The following MCPH1 variants were observed in gnomAD, a reference collection of about 807,000 sequenced individuals.
MCPH1 encodes microcephalin 1.
MCPH1 carries 104 observed loss-of-function variants against 84.5 expected under a neutral mutation model. That is an observed-to-expected ratio of 1.23 (90% CI 1.05 to 1.45). The LOEUF (loss-of-function observed/expected upper bound fraction) is 1.45, where lower values mean the gene tolerates loss of function less well. Among genes scored for constraint, MCPH1 ranks in the 40% most tolerant of loss-of-function variants. The pLI, the probability that MCPH1 is intolerant of heterozygous loss-of-function variation, is 0.00. For missense variants in MCPH1, 1,498 were observed against 1,005.7 expected (o/e 1.49, Z -6.62); for synonymous variants, 514 against 366.8 (o/e 1.40, Z -4.58).
chr8:6,596,220 T>A (rs1828914636), intron 12 of MCPH1, among the ~76,000 whole-genome samples: 1 of 152,284 alleles, frequency 6.6e-6, no homozygotes. Context: ...TGCCACGAAC[T>A]GGCACTGTGC....
chr8:6,426,657 G>GTATGCT (rs1391815394), intron 3 of MCPH1, among the ~76,000 whole-genome samples: 1 of 152,188 alleles, frequency 6.6e-6, no homozygotes, highest in Non-Finnish European at 1.5e-5. Flanking sequence ...TTGTGTCTTT[G>GTATGCT]TATGCTTTCA....
chr8:6,475,239 C>G (rs932154558), intron 9 of MCPH1, among the ~76,000 whole-genome samples: 2 of 152,248 alleles, frequency 1.3e-5, no homozygotes, highest in Non-Finnish European at 2.9e-5. Flanking sequence ...TGACCCTGCC[C>G]TAACAGCAAA....
At chr8:6,439,857 C>A (rs1471795887) in intron 6 of MCPH1, among the ~76,000 whole-genome samples, 1 of 152,146 alleles carries the variant, frequency 6.6e-6, no homozygotes, top group Non-Finnish European at 1.5e-5. Context: ...AGTAAAAGTT[C>A]ATCTTGATAC....
intron 12 of MCPH1, among the ~76,000 whole-genome samples, chr8:6,536,302 G>C (rs1189251928): frequency 6.6e-6 from 1 of 152,090 alleles, no homozygotes; most frequent in Admixed American, 6.5e-5. Context: ...GGGATCCCAG[G>C]CGCCTCACAT....
intron 2 of MCPH1, among the ~76,000 whole-genome samples, chr8:6,410,701 C>G (rs79143332): frequency 0.065 from 9,825 of 152,152 alleles, 717 homozygotes; most frequent in African/African-American, 0.18. Flanking sequence ...GAAGAGTACT[C>G]ACATCTTCAT....
intron 12 of MCPH1, chr8:6,509,211 A>G (rs976112650): frequency 5.9e-6 from 6 of 1,019,340 alleles, no homozygotes; most frequent in South Asian, 5.2e-5. Context: ...AATATTTTGC[A>G]CTGGTATAAA....
rs114257586 is a variant in MCPH1 at position 6,563,049 on chromosome 8, G to A, written c.2215-58405G>A. The A allele has an allele frequency of 1.5e-3, 1,722 of 1,127,738 alleles. 22 individuals are homozygous for A. In the African/African-American group the frequency reaches 0.025, roughly 16 times the overall value. 69.9% of individuals were successfully genotyped at this position (1,127,738 alleles called of 1,614,324 possible). On this transcript the variant is annotated intron_variant, in intron 12 of 13. Coordinates refer to ENST00000344683, the MANE Select transcript of MCPH1 (RefSeq NM_024596.5). ...CTGCTACGCTGCCATGGCTGGGTCC[G>A]TCAATGAAAGTCTTCTCTTTCCTCT...
chr8:6,496,285 G>A (rs1219238500), intron 11 of MCPH1, among the ~76,000 whole-genome samples: 1 of 152,146 alleles, frequency 6.6e-6, no homozygotes, highest in Non-Finnish European at 1.5e-5. Flanking sequence ...GCAATTCTAT[G>A]AGAATGTAAT....
At chr8:6,427,082 C>T (rs923764127) in intron 3 of MCPH1, among the ~76,000 whole-genome samples, 4 of 152,156 alleles carry the variant, frequency 2.6e-5, no homozygotes, top group African/African-American at 9.7e-5. Context: ...ACCTCTACAG[C>T]ATGTGCAGTT....
intron 9 of MCPH1, among the ~76,000 whole-genome samples, chr8:6,469,677 C>T (rs547534656): frequency 6.6e-6 from 1 of 152,240 alleles, no homozygotes; most frequent in African/African-American, 2.4e-5. Context: ...GATAGCTAAA[C>T]CCAAAAGATT....
rs1472738259 is a variant in MCPH1 at position 6,480,838 on chromosome 8, G to A, written c.2098G>A (p.Gly700Arg). 1 of 1,614,170 alleles carries A rather than the reference G, an allele frequency of 6.2e-7. No homozygotes were observed. Reference sequence around the variant, plus strand: ...ACTTCGCACCCTGAATGTGCTGCTGGGAATTGCGCGTGGCTGCTGGGTTCT... The same window carrying A: ...ACTTCGCACCCTGAATGTGCTGCTGAGAATTGCGCGTGGCTGCTGGGTTCT... ...KPLRTLNVLL[G>R]IARGCWVLSY... Residue 700 changes from glycine to arginine, a missense_variant, in exon 11 of 14, where the codon GGA becomes AGA. Coordinates refer to ENST00000344683, the MANE Select transcript of MCPH1 (RefSeq NM_024596.5).
chr8:6,409,425 G>GT (rs1177633586), intron 2 of MCPH1, 55 bp downstream of exon 2: 3 of 1,379,872 alleles, frequency 2.2e-6, no homozygotes, highest in African/African-American at 2.8e-5. Flanking sequence ...TTGGTAAAAA[G>GT]TTACATTTGC....
At chr8:6,499,800 C>T in intron 11 of MCPH1, 52 bp from the exon 12 acceptor site, 2 of 1,512,634 alleles carry the variant, frequency 1.3e-6, no homozygotes, top group Non-Finnish European at 1.8e-6. Flanking sequence ...TGGTTTATTG[C>T]CTGCTAAGGC....
chr8:6,464,277 C>T (rs1181723626), intron 9 of MCPH1, among the ~76,000 whole-genome samples: 2 of 152,028 alleles, frequency 1.3e-5, no homozygotes, highest in African/African-American at 2.4e-5. Flanking sequence ...GGGATGTGCT[C>T]GTTGTAACAG....
intron 3 of MCPH1, 115 bp downstream of exon 3, chr8:6,414,998 C>T (rs1481584197): frequency 4.8e-6 from 5 of 1,044,202 alleles, no homozygotes; most frequent in Non-Finnish European, 1.4e-6. Flanking sequence ...TTTTCTCTGC[C>T]TCTTACCTCA....
At chr8:6,601,470 G>C (rs1829353603) in intron 12 of MCPH1, among the ~76,000 whole-genome samples, 1 of 151,708 alleles carries the variant, frequency 6.6e-6, no homozygotes, top group African/African-American at 2.4e-5. Flanking sequence ...CCGGACGTCT[G>C]TGGCGATCTC....
chr8:6,428,106 G>A (rs938993451), intron 3 of MCPH1, among the ~76,000 whole-genome samples: 2 of 151,446 alleles, frequency 1.3e-5, no homozygotes, highest in African/African-American at 2.4e-5. Context: ...TTTTTATTTG[G>A]CCTTACTATA....
At position 6,500,354 on chromosome 8, in the gene MCPH1, C is replaced by G. The variant is rs894282341; in HGVS notation, c.2214+425C>G. 3 of 162,218 alleles carry G rather than the reference C, an allele frequency of 1.8e-5. No individual in the cohort carries two copies. In the East Asian group the frequency reaches 5.2e-4, roughly 28 times the overall value. 10.0% of individuals were successfully genotyped at this position (162,218 alleles called of 1,614,324 possible). A position where few individuals can be genotyped will look rare whatever the true frequency, so the allele number is the denominator to read the frequency against. On this transcript the variant is annotated intron_variant, in intron 12 of 13. Transcript: ENST00000344683. ...CTTTCCTAAATTCCACTTCAACTTTCAAATGCTTCATTGAAAAGTTCTGGG... is the reference window on the plus strand; with the variant it reads ...CTTTCCTAAATTCCACTTCAACTTTGAAATGCTTCATTGAAAAGTTCTGGG...
At chr8:6,575,140 G>A (rs1032822181) in intron 12 of MCPH1, among the ~76,000 whole-genome samples, 1 of 152,130 alleles carries the variant, frequency 6.6e-6, no homozygotes, top group Non-Finnish European at 1.5e-5. Context: ...TTTTCCTATT[G>A]CATGTTTGGG....
Sources: gnomAD v4.1 joint callset for allele counts (sites outside exome capture counted in the v4.1 genomes callset) on GRCh38, gnomAD v4.1.1 for gene constraint, MANE v1.5 for transcripts, NCBI Gene and HGNC (gene_info 2026-07-23, HGNC 2026-07-21) for gene names.